Variants in EVC observed in about 807,000 individuals in gnomAD.
EVC encodes the protein evC complex member EVC.
In EVC, 116 loss-of-function variants were observed where a neutral mutation model predicts 118.9. The observed-to-expected ratio is 0.98, with a 90% confidence interval of 0.84 to 1.14. The LOEUF (loss-of-function observed/expected upper bound fraction) is 1.14, where lower values mean the gene tolerates loss of function less well. Ranked by LOEUF, EVC falls within the 50% of genes most tolerant of loss-of-function variation. The probability of loss-of-function intolerance (pLI) is 0.00; values close to 1 mark genes in which losing one functional copy is unlikely to be tolerated. For missense variants in EVC, 1,401 were observed against 1,246.4 expected, an observed-to-expected ratio of 1.12 and a Z score of -1.87; for synonymous variants, 619 against 534.7, an observed-to-expected ratio of 1.16 and a Z score of -2.18.
In EVC at chr4:5,749,734, A is replaced by T. The variant is rs969484455; in HGVS notation, c.1098+1428A>T. On this transcript the variant is annotated intron_variant, in intron 8 of 20. Transcript: ENST00000264956. This position sits in a 1 kb window ranked among gnomAD's most constrained non-coding sequence, Gnocchi z 4.4. ...CACCCATTTCCCCGTCCTGTGCACC[A>T]GCCCGTGTGGCAGCTCGGCTCAGAA... Among the ~76,000 whole-genome samples, 6 of 152,238 alleles carry T rather than the reference A, an allele frequency of 3.9e-5. No homozygotes were observed. Among genetic ancestry groups the T allele is most frequent in the African/African-American group, 1.4e-4 (6 of 41,542 alleles).
intron 11 of EVC, among the ~76,000 whole-genome samples, chr4:5,761,779 G>T (rs1461232175): frequency 6.6e-6 from 1 of 151,758 alleles, no homozygotes; most frequent in Non-Finnish European, 1.5e-5. Flanking sequence ...AAGGGAAGGG[G>T]TACAATGAGT....
intron 12 of EVC, among the ~76,000 whole-genome samples, chr4:5,791,406 G>C (rs951731108): frequency 6.6e-6 from 1 of 152,068 alleles, no homozygotes; most frequent in Non-Finnish European, 1.5e-5. Context: ...ATTGGGCAAA[G>C]GAACATTGAT....
chr4:5,797,277 C>T, intron 14 of EVC, 45 bp downstream of exon 14: 1 of 1,487,278 alleles, frequency 6.7e-7, no homozygotes, highest in Non-Finnish European at 9.2e-7. Context: ...CAGGCGGTGC[C>T]CCTGCAGCAG....
intron 11 of EVC, among the ~76,000 whole-genome samples, chr4:5,759,008 A>C (rs560055872): frequency 5.1e-4 from 78 of 151,564 alleles, no homozygotes; most frequent in Admixed American, 1.8e-3. Context: ...CTTTCTGGGG[A>C]GTCTTATGTG....
chr4:5,797,346 G>A lies in EVC; in HGVS notation c.2097+114G>A, dbSNP rs1442642021. 8 of 924,160 alleles carry A rather than the reference G, an allele frequency of 8.7e-6. No homozygotes were observed. In the African/African-American group the frequency reaches 1.3e-4, roughly 15 times the overall value. 57.2% of individuals were successfully genotyped at this position (924,160 alleles called of 1,614,324 possible). The stretch of plus-strand genomic sequence containing the variant: ...ATCCTATCACCCTTGGTGCTGCAGG[G>A]TGCGGTATTCATTCGCCGGGGCTGC... On this transcript the variant is annotated intron_variant, in intron 14 of 20. Coordinates refer to ENST00000264956, the MANE Select transcript of EVC (RefSeq NM_153717.3).
At chr4:5,771,609 T>A (rs1031677134) in intron 11 of EVC, among the ~76,000 whole-genome samples, 9 of 152,140 alleles carry the variant, frequency 5.9e-5, no homozygotes, top group Non-Finnish European at 2.9e-5. Context: ...AGAAATAAAT[T>A]TGTTTATTGA....
At chr4:5,817,550 A>G (rs1194776929), downstream of EVC, among the ~76,000 whole-genome samples, 1 of 152,210 alleles carries the variant, frequency 6.6e-6, no homozygotes, top group African/African-American at 2.4e-5. Flanking sequence ...GGTCTGCACT[A>G]AGAGAAAAAT....
rs999259787 is a variant in EVC at position 5,745,426 on chromosome 4, A to C, written c.939+85A>C. On this transcript the variant is annotated intron_variant, in intron 7 of 20. Coordinates refer to ENST00000264956, the MANE Select transcript of EVC (RefSeq NM_153717.3). ...CTACATTAGAGAGATGATAGTTAGA[A>C]GTGTGCCTAATACTTGAATTCCCCT... 5 of 1,434,442 alleles carry C rather than the reference A, an allele frequency of 3.5e-6. No individual in the cohort carries two copies. In the African/African-American group the frequency reaches 7.1e-5, roughly 20 times the overall value. The allele number at this position is 1,434,442 out of a possible 1,614,324, so 88.9% of individuals were successfully genotyped here.
At chr4:5,809,732 G>A (rs939268552) in intron 19 of EVC, 121 bp downstream of exon 19, 4 of 911,358 alleles carry the variant, frequency 4.4e-6, no homozygotes, top group East Asian at 5.2e-5. Context: ...GGCTCTCTGG[G>A]CTTTTGTGAC....
chr4:5,780,274 T>A (rs1473253607), intron 11 of EVC, among the ~76,000 whole-genome samples: 2 of 152,186 alleles, frequency 1.3e-5, no homozygotes, highest in African/African-American at 4.8e-5. Context: ...GCACAGCAAG[T>A]ATGAGCTAGG....
chr4:5,734,244 T>A (rs1393473156), intron 5 of EVC, among the ~76,000 whole-genome samples: 1 of 152,154 alleles, frequency 6.6e-6, no homozygotes, highest in African/African-American at 2.4e-5. Context: ...AATGAGACCC[T>A]ACAGAGAGAA....
chr4:5,805,848 C>A (rs968459207), intron 17 of EVC, among the ~76,000 whole-genome samples: 13 of 151,608 alleles, frequency 8.6e-5, no homozygotes, highest in African/African-American at 3.1e-4. Context: ...TGATGCCCTT[C>A]CCTCCCTGTC....
rs1412829107 is a variant in EVC at position 5,789,581 on chromosome 4, T to TCCCTTTCTC, written c.1777-4023_1777-4015dup. On this transcript the variant is annotated intron_variant, in intron 12 of 20. Coordinates refer to ENST00000264956, the MANE Select transcript of EVC (RefSeq NM_153717.3). The surrounding 1 kb of genome is among the most constrained non-coding windows in gnomAD (Gnocchi z 4.3). The stretch of plus-strand genomic sequence containing the variant: ...TGCTAGGCATCAATCAATAGATCTT[T>TCCCTTTCTC]CCCTTTCTCCCCATAATACATGAGA... Among the ~76,000 whole-genome samples, 3 of 152,154 alleles carry TCCCTTTCTC rather than the reference T, an allele frequency of 2.0e-5. No homozygotes were observed. Among genetic ancestry groups the TCCCTTTCTC allele is most frequent in the Non-Finnish European group, 4.4e-5 (3 of 68,028 alleles).
In EVC at chr4:5,753,941, A is replaced by G. The variant is rs116236414; in HGVS notation, c.1464+8A>G. The G allele has an allele frequency of 2.0e-3, 3,161 of 1,612,628 alleles. 55 individuals carry two copies. In the African/African-American group the frequency reaches 0.037, roughly 19 times the overall value. On this transcript the variant is annotated splice_region_variant and intron_variant, in intron 10 of 20. Transcript: ENST00000264956. ...CCGGAAAAGTTTCTCGAGGTGACTC[A>G]CATCCCCAGCCTCTGCACATGTGGG...
At position 5,798,743 on chromosome 4, in the gene EVC, C is replaced by T; in HGVS notation, c.2255C>T (p.Ala752Val). 3 of 1,611,184 alleles carry T rather than the reference C, an allele frequency of 1.9e-6. No individual in the cohort carries two copies. Among genetic ancestry groups the T allele is most frequent in the South Asian group, 2.2e-5 (2 of 90,878 alleles). Reference sequence around the variant, plus strand: ...ATTGGGCAGGCGCTGCTGGTGCATGCACGGAATGCAGCCACCAAGAGCCGG... The same window carrying T: ...ATTGGGCAGGCGCTGCTGGTGCATGTACGGAATGCAGCCACCAAGAGCCGG... Reference protein sequence around the residue: ...CAIGQALLVHARNAATKSRAK... With the variant: ...CAIGQALLVHVRNAATKSRAK... The change falls in exon 15 of 21, where the codon GCA becomes GTA. Residue 752 changes from alanine (A) to valine (V), a missense_variant. Ala to Val is a moderately conservative substitution (Grantham distance 64). Transcript: ENST00000264956. The surrounding 1 kb of genome is among the most constrained non-coding windows in gnomAD (Gnocchi z 4.1).
At position 5,779,155 on chromosome 4, in the gene EVC, A is replaced by G. The variant is rs1270162703; in HGVS notation, c.1564-4397A>G. Among the ~76,000 whole-genome samples, 1,075 of 150,986 alleles carry G rather than the reference A, an allele frequency of 7.1e-3. 13 individuals carry two copies. The highest frequency in any genetic ancestry group is 0.024 in the African/African-American group (998 of 41,314). On this transcript the variant is annotated intron_variant, in intron 11 of 20. Coordinates refer to ENST00000264956, the MANE Select transcript of EVC (RefSeq NM_153717.3). ...TGTCAAAGATCAGATAGTTGTAGAT[A>G]TGCGGCATTATTTCTGAGGGCTCTG...
the EVC span, chr4:5,826,325 T>C: frequency 8.5e-5 from 13 of 152,240 alleles, no homozygotes; most frequent in African/African-American, 2.2e-4. Flanking sequence ...GGGGGGCAGA[T>C]AGTTTGTTGG....
At position 5,798,777 on chromosome 4, in the gene EVC, C is replaced by T. The variant is rs2152346031; in HGVS notation, c.2289C>T (p.Asp763=). The change falls in exon 15 of 21, where the codon GAC becomes GAT. Residue 763 remains aspartate, a synonymous_variant. Coordinates refer to ENST00000264956, the MANE Select transcript of EVC (RefSeq NM_153717.3). This position sits in a 1 kb window ranked among gnomAD's most constrained non-coding sequence, Gnocchi z 4.1. ...RNAATKSRAK[D]RDDFKRTLME... ...CAGCCACCAAGAGCCGGGCCAAGGA[C>T]AGGGATGACTTCAAGGTATGCACTG... 1.9e-6 allele frequency: 3 copies of T among 1,610,962 alleles called. No homozygotes were observed. The highest frequency in any genetic ancestry group is 2.5e-6 in the Non-Finnish European group (3 of 1,179,930).
At chr4:5,824,360 A>C in the EVC span, 1 of 985,386 alleles carries the variant, frequency 1.0e-6, no homozygotes, top group Non-Finnish European at 1.2e-6. Flanking sequence ...TCAAAGTCTT[A>C]TGGAGAGTGA....
Sources: allele counts gnomAD v4.1 joint callset (sites outside exome capture counted in the v4.1 genomes callset), GRCh38; gene constraint gnomAD v4.1.1; non-coding constraint Gnocchi (gnomAD v3.1); transcripts MANE v1.5; gene names NCBI Gene and HGNC (gene_info 2026-07-23, HGNC 2026-07-21).